MRTFA: variants seen among roughly 807,000 people sequenced by gnomAD.
The protein encoded by MRTFA is myocardin related transcription factor A.
Under a neutral mutation model 83.5 loss-of-function variants are expected in MRTFA, and 20 were observed. The ratio of observed to expected loss-of-function variants is 0.24; its 90% CI spans 0.17 to 0.35. MRTFA has a LOEUF of 0.35. Ranked by LOEUF, MRTFA falls within the 10% of genes least tolerant of loss-of-function variation. The probability of loss-of-function intolerance (pLI) is 1.00; values close to 1 mark genes in which losing one functional copy is unlikely to be tolerated. For missense variants in MRTFA, 1,200 were observed against 1,224.7 expected (o/e 0.98, Z 0.30); for synonymous variants, 659 against 541.2 (o/e 1.22, Z -3.02).
At chr22:40,426,125 TG>T (rs1294714008) in intron 7 of MRTFA, among the ~76,000 whole-genome samples, 1 of 152,054 alleles carries the variant, frequency 6.6e-6, no homozygotes, top group African/African-American at 2.4e-5. Context: ...CTTAGATGTG[TG>T]GGGAAGACCC....
intron 4 of MRTFA, among the ~76,000 whole-genome samples, chr22:40,461,102 T>C (rs890617127): frequency 1.4e-5 from 2 of 147,154 alleles, no homozygotes; most frequent in Admixed American, 7.0e-5. Context: ...TTCAGGAGGC[T>C]GAGGTGGGAA....
At chr22:40,624,062 C>T (rs918624958) in intron 1 of MRTFA, among the ~76,000 whole-genome samples, 6 of 152,066 alleles carry the variant, frequency 3.9e-5, no homozygotes, top group African/African-American at 1.4e-4. Context: ...CATGTTCAAA[C>T]CACTGAACTC....
chr22:40,621,546 T>C (rs1050127672), intron 1 of MRTFA, among the ~76,000 whole-genome samples: 1 of 152,114 alleles, frequency 6.6e-6, no homozygotes, highest in South Asian at 2.1e-4. Flanking sequence ...TGAACGGCGG[T>C]GATGGTTTCA....
intron 6 of MRTFA, among the ~76,000 whole-genome samples, chr22:40,430,850 G>A (rs9623174): frequency 0.015 from 1,542 of 106,064 alleles, 21 homozygotes; most frequent in African/African-American, 0.053. Flanking sequence ...AGCAGAGCAA[G>A]ACTCCATCAC....
chr22:40,609,443 T>TG (rs2075393469), intron 1 of MRTFA, among the ~76,000 whole-genome samples: 1 of 136,566 alleles, frequency 7.3e-6, no homozygotes, highest in African/African-American at 2.8e-5. Context: ...ACTGCATCAC[T>TG]GCCAGCCTGG....
chr22:40,440,298 C>T (rs1040217091), intron 4 of MRTFA, among the ~76,000 whole-genome samples: 7 of 152,070 alleles, frequency 4.6e-5, no homozygotes, highest in African/African-American at 1.4e-4. Flanking sequence ...TGTGATGAAA[C>T]TGACACTGGC....
At chr22:40,610,517 G>C (rs1032060215) in intron 1 of MRTFA, among the ~76,000 whole-genome samples, 1 of 152,138 alleles carries the variant, frequency 6.6e-6, no homozygotes, top group Non-Finnish European at 1.5e-5. Context: ...GCTATTATCA[G>C]ACAGAAGCAG....
At chr22:40,563,287 T>G (rs1221967987) in intron 2 of MRTFA, among the ~76,000 whole-genome samples, 5 of 152,122 alleles carry the variant, frequency 3.3e-5, no homozygotes, top group Non-Finnish European at 2.9e-5. Context: ...ATCCCAAGAT[T>G]GCTTTTATCA....
chr22:40,465,385 T>C (rs1202590166), intron 3 of MRTFA, among the ~76,000 whole-genome samples: 1 of 152,182 alleles, frequency 6.6e-6, no homozygotes, highest in Non-Finnish European at 1.5e-5. Context: ...CAAGAGGCTA[T>C]TATTATTTTA....
intron 3 of MRTFA, among the ~76,000 whole-genome samples, chr22:40,465,002 T>C (rs1327876979): frequency 2.0e-5 from 3 of 152,162 alleles, no homozygotes; most frequent in African/African-American, 7.2e-5. Flanking sequence ...TTTCAAGTTA[T>C]CTTAATCAAG....
At chr22:40,427,744 G>C (rs952437441) in intron 7 of MRTFA, among the ~76,000 whole-genome samples, 1 of 152,136 alleles carries the variant, frequency 6.6e-6, no homozygotes, top group Non-Finnish European at 1.5e-5. Context: ...CAACACCTGA[G>C]CTTATGCTAA....
chr22:40,616,917 G>A (rs904506332), intron 1 of MRTFA, among the ~76,000 whole-genome samples: 3 of 151,670 alleles, frequency 2.0e-5, no homozygotes, highest in Non-Finnish European at 2.9e-5. Flanking sequence ...TGGGCAACAT[G>A]GTGAAACAAA....
intron 2 of MRTFA, among the ~76,000 whole-genome samples, chr22:40,560,743 T>C (rs1334438737): frequency 2.6e-5 from 4 of 152,118 alleles, no homozygotes; most frequent in African/African-American, 9.7e-5. Flanking sequence ...GGGGGCAGGG[T>C]CATCTCCCAC....
At chr22:40,519,696 C>T in intron 3 of MRTFA, 1 of 983,380 alleles carries the variant, frequency 1.0e-6, no homozygotes, top group Non-Finnish European at 1.3e-6. Flanking sequence ...ATCACACCCA[C>T]TCATGGGTTC....
At chr22:40,462,940 G>C (rs1234662550) in intron 4 of MRTFA, among the ~76,000 whole-genome samples, 1 of 152,146 alleles carries the variant, frequency 6.6e-6, no homozygotes, top group East Asian at 1.9e-4. Flanking sequence ...CTCTTTTAAA[G>C]GTGCAATTCC....
intron 3 of MRTFA, among the ~76,000 whole-genome samples, chr22:40,484,231 C>T (rs2054139144): frequency 6.6e-6 from 1 of 151,278 alleles, no homozygotes; most frequent in Non-Finnish European, 1.5e-5. Context: ...CTATTTGACT[C>T]AAAAAGATAA....
At chr22:40,445,777 T>C (rs1201330080) in intron 4 of MRTFA, among the ~76,000 whole-genome samples, 1 of 152,198 alleles carries the variant, frequency 6.6e-6, no homozygotes, top group Non-Finnish European at 1.5e-5. Flanking sequence ...CTTGAACTCC[T>C]CACCTCGTGA....
chr22:40,609,902 T>G (rs1224545379), intron 1 of MRTFA, among the ~76,000 whole-genome samples: 1 of 152,116 alleles, frequency 6.6e-6, no homozygotes, highest in Non-Finnish European at 1.5e-5. Context: ...TAAACGTATG[T>G]CCTCTTTAAT....
At chr22:40,467,210 C>T (rs1168463172) in intron 3 of MRTFA, among the ~76,000 whole-genome samples, 1 of 152,048 alleles carries the variant, frequency 6.6e-6, no homozygotes, top group African/African-American at 2.4e-5. Context: ...ACTGCAATAA[C>T]CTGATTTAGG....
Sources: gnomAD v4.1 joint callset for allele counts (sites outside exome capture counted in the v4.1 genomes callset) on GRCh38, gnomAD v4.1.1 for gene constraint, MANE v1.5 for transcripts, NCBI Gene and HGNC (gene_info 2026-07-23, HGNC 2026-07-21) for gene names.